BRD10: variants seen among roughly 807,000 people sequenced by gnomAD.
BRD10 encodes bromodomain containing 10.
the BRD10 span, among the ~76,000 whole-genome samples, chr9:5,889,361 C>T: frequency 6.6e-6 from 1 of 152,200 alleles, no homozygotes; most frequent in Non-Finnish European, 1.5e-5. Context: ...CCACAACCAG[C>T]AGGATGCAGA....
the BRD10 span, chr9:5,929,158 C>A: frequency 2.0e-4 from 303 of 1,481,182 alleles, 1 homozygote; most frequent in South Asian, 3.5e-3. Flanking sequence ...ATACCATTTT[C>A]CCTAAAAATA....
At chr9:5,888,672 T>C in the BRD10 span, among the ~76,000 whole-genome samples, 1 of 152,196 alleles carries the variant, frequency 6.6e-6, no homozygotes, top group African/African-American at 2.4e-5. Flanking sequence ...CCACTGGAAG[T>C]TGACAACGAC....
chr9:5,946,541 A>AT, the BRD10 span, among the ~76,000 whole-genome samples: 4 of 152,164 alleles, frequency 2.6e-5, no homozygotes, highest in South Asian at 4.1e-4. Flanking sequence ...CCTACCGTGG[A>AT]TTTTTATTAA....
chr9:5,923,292 C>T, the BRD10 span: 1 of 1,606,332 alleles, frequency 6.2e-7, no homozygotes, highest in Non-Finnish European at 8.5e-7. Flanking sequence ...AAATCTATTT[C>T]TGACAACTTC....
chr9:5,909,490 T>C, the BRD10 span: 1 of 152,310 alleles, frequency 6.6e-6, no homozygotes, highest in Non-Finnish European at 1.5e-5. Context: ...ACTCCTGACC[T>C]CAGGTGATCT....
chr9:5,951,725 G>C, the BRD10 span, among the ~76,000 whole-genome samples: 1 of 152,112 alleles, frequency 6.6e-6, no homozygotes, highest in Non-Finnish European at 1.5e-5. Flanking sequence ...AAATTATTTT[G>C]AGAGACAAAA....
chr9:5,934,541 T>C, the BRD10 span, among the ~76,000 whole-genome samples: 3 of 151,850 alleles, frequency 2.0e-5, no homozygotes. Flanking sequence ...AATTTTTGTT[T>C]TTTCAGTAGA....
the BRD10 span, among the ~76,000 whole-genome samples, chr9:5,915,163 C>A: frequency 6.6e-6 from 1 of 150,530 alleles, no homozygotes; most frequent in Admixed American, 6.6e-5. Flanking sequence ...TAAAAAATAC[C>A]TTTCTTTATC....
At chr9:5,907,811 A>G in the BRD10 span, among the ~76,000 whole-genome samples, 151 of 152,166 alleles carry the variant, frequency 9.9e-4, 2 homozygotes, top group Middle Eastern at 0.027. Context: ...AAATTAGCCA[A>G]GCGTGGTGGT....
At chr9:5,995,070 T>G in the BRD10 span, among the ~76,000 whole-genome samples, 1 of 152,138 alleles carries the variant, frequency 6.6e-6, no homozygotes, top group Non-Finnish European at 1.5e-5. Context: ...CGGCTAATTT[T>G]CAGCATTTTC....
chr9:5,972,057 G>A, the BRD10 span, among the ~76,000 whole-genome samples: 1 of 152,102 alleles, frequency 6.6e-6, no homozygotes, highest in African/African-American at 2.4e-5. Context: ...TTGCTGTCAG[G>A]TACATGAACA....
the BRD10 span, among the ~76,000 whole-genome samples, chr9:5,977,793 T>A: frequency 1.3e-5 from 2 of 152,068 alleles, no homozygotes; most frequent in African/African-American, 4.8e-5. Flanking sequence ...CAAGATCACG[T>A]CACTGCACTC....
chr9:5,940,571 T>C, the BRD10 span, among the ~76,000 whole-genome samples: 17 of 152,340 alleles, frequency 1.1e-4, no homozygotes, highest in South Asian at 2.7e-3. Flanking sequence ...TTGCTAGCTA[T>C]ATAACAGTGT....
the BRD10 span, among the ~76,000 whole-genome samples, chr9:5,980,307 T>A: frequency 1.3e-5 from 2 of 152,178 alleles, no homozygotes; most frequent in Non-Finnish European, 2.9e-5. Context: ...CCTATCAGCA[T>A]TTTCTTGAAG....
the BRD10 span, among the ~76,000 whole-genome samples, chr9:5,914,410 G>GTTTTTTTTTTTTT: frequency 1.3e-5 from 1 of 75,458 alleles, no homozygotes; most frequent in African/African-American, 5.9e-5. Flanking sequence ...AATCCAGATG[G>GTTTTTTTTTTTTT]TTTTTTTTTT....
At chr9:5,994,222 T>C in the BRD10 span, among the ~76,000 whole-genome samples, 1 of 152,184 alleles carries the variant, frequency 6.6e-6, no homozygotes, top group Non-Finnish European at 1.5e-5. Flanking sequence ...ATTTTAAGTA[T>C]CTAGCTTAGC....
the BRD10 span, among the ~76,000 whole-genome samples, chr9:5,994,372 T>C: frequency 6.6e-6 from 1 of 152,194 alleles, no homozygotes; most frequent in Non-Finnish European, 1.5e-5. Flanking sequence ...CCACTGCTCT[T>C]ATCTGCAGCT....
At chr9:5,954,040 C>T in the BRD10 span, 1 of 1,569,728 alleles carries the variant, frequency 6.4e-7, no homozygotes, top group Non-Finnish European at 8.7e-7. Flanking sequence ...CAGTAGGTGA[C>T]TTTATGACAG....
the BRD10 span, among the ~76,000 whole-genome samples, chr9:5,934,358 C>CTTTTTTT: frequency 3.1e-5 from 4 of 129,996 alleles, no homozygotes; most frequent in East Asian, 2.2e-4. Context: ...TTACGCTTTT[C>CTTTTTTT]TTTTTTTTTT....
Sources: gnomAD v4.1 joint callset for allele counts (sites outside exome capture counted in the v4.1 genomes callset) on GRCh38, gnomAD v4.1.1 for gene constraint, MANE v1.5 for transcripts, NCBI Gene and HGNC (gene_info 2026-07-23, HGNC 2026-07-21) for gene names.